TCAIM: variants seen among roughly 807,000 people sequenced by gnomAD.
The protein encoded by TCAIM is T-cell activation inhibitor, mitochondrial.
In TCAIM, 36 loss-of-function variants were observed where a neutral mutation model predicts 58.6. The ratio of observed to expected loss-of-function variants is 0.61; its 90% CI spans 0.47 to 0.81. The LOEUF (loss-of-function observed/expected upper bound fraction) is 0.81, where lower values mean the gene tolerates loss of function less well. TCAIM is among the 30% of genes least tolerant of loss of function. The pLI is 0.00. For missense variants in TCAIM, 466 were observed against 579.6 expected (o/e 0.80, Z 2.01); for synonymous variants, 172 against 193.6 (o/e 0.89, Z 0.93).
intron 8 of TCAIM, among the ~76,000 whole-genome samples, chr3:44,397,384 CAT>C (rs1311754344): frequency 2.0e-5 from 3 of 152,190 alleles, no homozygotes; most frequent in African/African-American, 4.8e-5. Context: ...TAAGTGGAAT[CAT>C]AGGGCTTGCA....
chr3:44,365,945 T>A (rs1701367400), intron 4 of TCAIM, among the ~76,000 whole-genome samples: 1 of 152,240 alleles, frequency 6.6e-6, no homozygotes, highest in Non-Finnish European at 1.5e-5. Context: ...TAAAGTTGTA[T>A]GCCTGCTAAC....
intron 3 of TCAIM, chr3:44,359,915 C>T (rs1701267895): frequency 6.6e-6 from 1 of 152,134 alleles, no homozygotes; most frequent in Non-Finnish European, 1.5e-5. Flanking sequence ...TTTACATTTT[C>T]GTGTTATCTT....
At chr3:44,403,436 A>G (rs1467203593) in intron 10 of TCAIM, among the ~76,000 whole-genome samples, 1 of 152,204 alleles carries the variant, frequency 6.6e-6, no homozygotes, top group Non-Finnish European at 1.5e-5. Context: ...GCCAGATCCT[A>G]TCACACCCTA....
chr3:44,362,361 G>A, intron 4 of TCAIM: 1 of 400,704 alleles, frequency 2.5e-6, no homozygotes, highest in East Asian at 3.6e-5. Flanking sequence ...GGAGAACTGT[G>A]TAGAGGCCAC....
intron 10 of TCAIM, 141 bp from the exon 11 acceptor site, chr3:44,407,301 G>A (rs567525052): frequency 3.4e-6 from 2 of 582,252 alleles, no homozygotes; most frequent in African/African-American, 3.8e-5. Context: ...GTATAATTTG[G>A]CCTTTGTGGG....
Position 44,407,685 on chromosome 3 carries a change from C to A in TCAIM, c.*3C>A. The A allele has an allele frequency of 6.4e-7, 1 of 1,569,258 alleles. No homozygotes were observed. Among genetic ancestry groups the A allele is most frequent in the Non-Finnish European group, 8.6e-7 (1 of 1,163,672 alleles). On this transcript the variant is annotated 3_prime_UTR_variant, in exon 11 of 11. Transcript: ENST00000342649. ...AGAATGGAGAAGCCATTAAGTAACACAGAAATCTGTTTTATTTTTTTAAGA... is the reference window on the plus strand; with the variant it reads ...AGAATGGAGAAGCCATTAAGTAACAAAGAAATCTGTTTTATTTTTTTAAGA...
chr3:44,361,293 G>T (rs1455117780), intron 3 of TCAIM, 72 bp from the exon 4 acceptor site: 2 of 1,331,130 alleles, frequency 1.5e-6, no homozygotes, highest in East Asian at 2.4e-5. Flanking sequence ...TGTTTAAAAG[G>T]TTAGATAGAT....
At chr3:44,387,107 C>T (rs184332258) in intron 5 of TCAIM, among the ~76,000 whole-genome samples, 453 of 152,292 alleles carry the variant, frequency 3.0e-3, no homozygotes, top group Middle Eastern at 0.027. Context: ...CTACCAGCTG[C>T]GGGAAGGAGT....
At chr3:44,345,932 A>G (rs560262864) in intron 1 of TCAIM, among the ~76,000 whole-genome samples, 3 of 152,276 alleles carry the variant, frequency 2.0e-5, no homozygotes, top group Admixed American at 6.5e-5. Flanking sequence ...GAATAGGAGT[A>G]TGACTAGACA....
intron 3 of TCAIM, 139 bp from the exon 4 acceptor site, chr3:44,361,226 C>T: frequency 2.9e-6 from 2 of 689,416 alleles, no homozygotes; most frequent in Non-Finnish European, 4.3e-6. Context: ...TATCTTTTAC[C>T]AAAGAGCTAT....
chr3:44,391,596 A>G (rs1701837678), intron 5 of TCAIM, among the ~76,000 whole-genome samples: 1 of 152,210 alleles, frequency 6.6e-6, no homozygotes, highest in African/African-American at 2.4e-5. Context: ...TAGAGTTGAT[A>G]TAGTTGAGAT....
chr3:44,356,824 A>AC (rs200341317), intron 2 of TCAIM, among the ~76,000 whole-genome samples: 26,443 of 149,770 alleles, frequency 0.18, 2,633 homozygotes, highest in Middle Eastern at 0.28. Flanking sequence ...AAAAAAAAAA[A>AC]AAACAGTCGG....
At chr3:44,341,548 G>C (rs1700854650) in intron 1 of TCAIM, 1 of 152,040 alleles carries the variant, frequency 6.6e-6, no homozygotes, top group South Asian at 2.1e-4. Context: ...TTGTGTTTAA[G>C]ACCTTCAGAC....
At chr3:44,395,216 A>C (rs1288000734) in intron 6 of TCAIM, among the ~76,000 whole-genome samples, 1 of 151,974 alleles carries the variant, frequency 6.6e-6, no homozygotes, top group Non-Finnish European at 1.5e-5. Context: ...TCAAAAATTA[A>C]TATTCTTTGA....
At chr3:44,372,146 G>A (rs1004814172) in intron 5 of TCAIM, among the ~76,000 whole-genome samples, 3 of 152,100 alleles carry the variant, frequency 2.0e-5, no homozygotes, top group East Asian at 1.9e-4. Context: ...CATGTTTGGC[G>A]GGGCCAACTG....
chr3:44,360,440 G>C (rs551278714), intron 3 of TCAIM, among the ~76,000 whole-genome samples: 18 of 151,338 alleles, frequency 1.2e-4, no homozygotes, highest in African/African-American at 3.9e-4. Context: ...CAGGATTTTT[G>C]GGTTTTTTAA....
In TCAIM at chr3:44,357,623, A is replaced by G. The variant is rs916411077; in HGVS notation, c.30-118A>G. The G allele has an allele frequency of 8.4e-6, 11 of 1,308,856 alleles. No individual in the cohort carries two copies. The Admixed American group carries it at 1.1e-4, about 13-fold the overall frequency. The allele number at this position is 1,308,856 out of a possible 1,614,324, so 81.1% of individuals were successfully genotyped here. Reference sequence around the variant, plus strand: ...AACTAATAGATTTCAGAAAACCACAAAGTATCTATCTTGTTTCTGCTGTGC... The same window carrying G: ...AACTAATAGATTTCAGAAAACCACAGAGTATCTATCTTGTTTCTGCTGTGC... On this transcript the variant is annotated intron_variant, in intron 2 of 10. Coordinates refer to ENST00000342649, the MANE Select transcript of TCAIM (RefSeq NM_173826.4).
chr3:44,397,414 T>G (rs1337585818), intron 8 of TCAIM, among the ~76,000 whole-genome samples: 1 of 152,252 alleles, frequency 6.6e-6, no homozygotes. Flanking sequence ...GTGTCTGGTT[T>G]CTTTCACTGT....
intron 4 of TCAIM, among the ~76,000 whole-genome samples, chr3:44,363,281 A>G (rs1701320662): frequency 6.6e-6 from 1 of 152,214 alleles, no homozygotes; most frequent in South Asian, 2.1e-4. Context: ...TTTGTATACC[A>G]CATTATCTAT....
Sources: gnomAD v4.1 joint callset for allele counts (sites outside exome capture counted in the v4.1 genomes callset) on GRCh38, gnomAD v4.1.1 for gene constraint, MANE v1.5 for transcripts, NCBI Gene and HGNC (gene_info 2026-07-23, HGNC 2026-07-21) for gene names.